The following KATNAL2 variants were observed in gnomAD, a reference collection of about 807,000 sequenced individuals.
KATNAL2 encodes the protein katanin p60 ATPase-containing subunit A-like 2.
In KATNAL2, 52 loss-of-function variants were observed where a neutral mutation model predicts 76.3. That is an observed-to-expected ratio of 0.68 (90% CI 0.55 to 0.86). The LOEUF is 0.86. Ranked by LOEUF, KATNAL2 falls within the 40% of genes least tolerant of loss-of-function variation. The pLI is 0.00. For missense variants in KATNAL2, 660 were observed against 668.9 expected (o/e 0.99, Z 0.15); for synonymous variants, 243 against 244.2 (o/e 1.00, Z 0.05).
At chr18:46,932,663 G>A (rs2146564742) in intron 1 of KATNAL2, among the ~76,000 whole-genome samples, 1 of 90,086 alleles carries the variant, frequency 1.1e-5, no homozygotes, top group Non-Finnish European at 1.9e-5. Context: ...AACAGAGCAA[G>A]ACTCTGTCTC....
intron 1 of KATNAL2, among the ~76,000 whole-genome samples, chr18:46,924,918 T>C (rs907800421): frequency 2.6e-5 from 4 of 152,226 alleles, no homozygotes; most frequent in Non-Finnish European, 4.4e-5. Context: ...CTTGCGATTT[T>C]TGTACATTGA....
chr18:47,100,435 T>A, intron 17 of KATNAL2, 79 bp downstream of exon 17: 1 of 1,159,086 alleles, frequency 8.6e-7, no homozygotes, highest in Non-Finnish European at 1.3e-6. Flanking sequence ...GCCTGGCGCC[T>A]GTTCTTGGTG....
At chr18:47,035,229 C>T (rs1298343236) in intron 3 of KATNAL2, 7 of 1,612,724 alleles carry the variant, frequency 4.3e-6, no homozygotes, top group Non-Finnish European at 5.9e-6. Flanking sequence ...CCTGCAGCTT[C>T]TCCACTGCGT....
At chr18:47,084,488 T>C in intron 15 of KATNAL2, 1 of 684,324 alleles carries the variant, frequency 1.5e-6, no homozygotes, top group Non-Finnish European at 2.7e-6. Flanking sequence ...GCCTGGTATG[T>C]TCAGGAGATA....
chr18:47,065,603 A>G (rs2061766368), intron 10 of KATNAL2, among the ~76,000 whole-genome samples: 1 of 151,992 alleles, frequency 6.6e-6, no homozygotes, highest in Middle Eastern at 3.2e-3. Flanking sequence ...TGGGAGGCGG[A>G]GGTTGCTGCA....
intron 3 of KATNAL2, 104 bp downstream of exon 3, chr18:46,947,027 A>G (rs1039677715): frequency 1.1e-5 from 9 of 850,354 alleles, no homozygotes; most frequent in African/African-American, 6.7e-5. Context: ...AGAGTCCGCT[A>G]CTAGAGAAGC....
At chr18:46,954,621 G>C (rs8086295) in intron 3 of KATNAL2, among the ~76,000 whole-genome samples, 1,987 of 151,886 alleles carry the variant, frequency 0.013, 41 homozygotes, top group African/African-American at 0.044. Context: ...GAGCCCCCGC[G>C]CCTGGCATCT....
intron 17 of KATNAL2, among the ~76,000 whole-genome samples, chr18:47,100,640 G>C (rs2063418882): frequency 6.6e-6 from 1 of 152,094 alleles, no homozygotes; most frequent in African/African-American, 2.4e-5. Flanking sequence ...AATAATACCT[G>C]GTAACGATAC....
chr18:47,099,145 A>G, intron 15 of KATNAL2, 98 bp from the exon 16 acceptor site: 1 of 1,209,616 alleles, frequency 8.3e-7, no homozygotes, highest in East Asian at 2.4e-5. Flanking sequence ...TAAAATGCAG[A>G]ATTGCTTCCT....
intron 1 of KATNAL2, among the ~76,000 whole-genome samples, chr18:46,941,217 G>A (rs770066594): frequency 1.3e-4 from 19 of 151,910 alleles, no homozygotes; most frequent in Non-Finnish European, 2.2e-4. Flanking sequence ...CCAGCTACTG[G>A]GGGTAGGGGT....
intron 1 of KATNAL2, among the ~76,000 whole-genome samples, chr18:46,939,505 T>C (rs945423162): frequency 2.0e-5 from 3 of 152,136 alleles, no homozygotes; most frequent in African/African-American, 7.2e-5. Flanking sequence ...AAAGTATTCA[T>C]CGTGTGCCAG....
intron 15 of KATNAL2, among the ~76,000 whole-genome samples, chr18:47,078,316 C>A (rs1012266583): frequency 6.6e-6 from 1 of 152,114 alleles, no homozygotes; most frequent in African/African-American, 2.4e-5. Context: ...TGGGACCCCC[C>A]CCAAACCAGA....
chr18:46,918,234 A>C (rs2058230594), intron 1 of KATNAL2, among the ~76,000 whole-genome samples: 1 of 152,202 alleles, frequency 6.6e-6, no homozygotes, highest in Non-Finnish European at 1.5e-5. Flanking sequence ...AGGATGAAGG[A>C]AGATGCTGAG....
In KATNAL2 at chr18:47,067,001, T is replaced by A. The variant is rs2061835529; in HGVS notation, c.727-20T>A. 6.9e-7 allele frequency: 1 copy of A among 1,454,838 alleles called. No homozygotes were observed. The highest frequency in any genetic ancestry group is 1.7e-5 in the Admixed American group (1 of 57,534). 90.1% of individuals were successfully genotyped at this position (1,454,838 alleles called of 1,614,324 possible). A position where few individuals can be genotyped will look rare whatever the true frequency, so the allele number is the denominator to read the frequency against. ...GAGGAAAACATCAGTTTTAAAAAAA[T>A]GATCAAATGTGCATTGCAGGACATT... On this transcript the variant is annotated intron_variant, in intron 10 of 17. Coordinates refer to ENST00000683218, the MANE Select transcript of KATNAL2 (RefSeq NM_001387690.1).
intron 1 of KATNAL2, among the ~76,000 whole-genome samples, chr18:46,940,319 A>G (rs1242398702): frequency 2.0e-5 from 3 of 152,238 alleles, no homozygotes; most frequent in Non-Finnish European, 4.4e-5. Context: ...GGCAAAAACC[A>G]GATTTCACTC....
At chr18:46,933,014 C>T (rs1051522301) in intron 1 of KATNAL2, among the ~76,000 whole-genome samples, 8 of 152,090 alleles carry the variant, frequency 5.3e-5, no homozygotes, top group African/African-American at 9.7e-5. Context: ...CCGCCCTCCT[C>T]GGCCTCCAAA....
chr18:47,035,181 C>G (rs1170628063), intron 3 of KATNAL2: 4 of 1,612,264 alleles, frequency 2.5e-6, no homozygotes, highest in African/African-American at 1.3e-5. Flanking sequence ...GCAAATATTT[C>G]TCTAGCTTTT....
At chr18:47,077,631 G>A (rs17783051) in intron 15 of KATNAL2, 170 bp downstream of exon 15, 13,001 of 560,394 alleles carry the variant, frequency 0.023, 240 homozygotes, top group Admixed American at 0.054. Context: ...TCTGTACCAC[G>A]AAAGATCTGC....
At chr18:46,954,049 C>A (rs1171414460) in intron 3 of KATNAL2, among the ~76,000 whole-genome samples, 1 of 151,976 alleles carries the variant, frequency 6.6e-6, no homozygotes, top group Non-Finnish European at 1.5e-5. Context: ...TGGGGTTTCA[C>A]CTCTCTCTTC....
Sources: gnomAD v4.1 joint callset for allele counts (sites outside exome capture counted in the v4.1 genomes callset) on GRCh38, gnomAD v4.1.1 for gene constraint, MANE v1.5 for transcripts, NCBI Gene and HGNC (gene_info 2026-07-23, HGNC 2026-07-21) for gene names.